Variants in KCNH1 observed in about 807,000 individuals in gnomAD.
KCNH1 encodes voltage-gated delayed rectifier potassium channel KCNH1.
Under a neutral mutation model 69.2 loss-of-function variants are expected in KCNH1, and 27 were observed. That is an observed-to-expected ratio of 0.39 (90% CI 0.29 to 0.54). The LOEUF (loss-of-function observed/expected upper bound fraction) is 0.54, where lower values mean the gene tolerates loss of function less well. Ranked by LOEUF, KCNH1 falls within the 20% of genes least tolerant of loss-of-function variation. The probability of loss-of-function intolerance (pLI) is 0.68; values close to 1 mark genes in which losing one functional copy is unlikely to be tolerated. For missense variants in KCNH1, 798 were observed against 1,261.6 expected (o/e 0.63, Z 5.57); for synonymous variants, 456 against 487.7 (o/e 0.93, Z 0.86).
chr1:210,751,320 C>T (rs759352054), intron 10 of KCNH1, among the ~76,000 whole-genome samples: 1 of 152,142 alleles, frequency 6.6e-6, no homozygotes, highest in Non-Finnish European at 1.5e-5. Context: ...GAGGGCTGTG[C>T]AGGGACAGAG....
chr1:210,993,612 T>C (rs1688972380), intron 6 of KCNH1, among the ~76,000 whole-genome samples: 1 of 152,234 alleles, frequency 6.6e-6, no homozygotes, highest in African/African-American at 2.4e-5. Flanking sequence ...CTCATTCCCA[T>C]GAAAAGTTTT....
chr1:210,976,040 A>G (rs908508502), intron 6 of KCNH1, among the ~76,000 whole-genome samples: 10 of 152,206 alleles, frequency 6.6e-5, no homozygotes, highest in African/African-American at 2.4e-4. Flanking sequence ...GCAAATCAAA[A>G]CCACAATGAG....
At chr1:210,707,200 G>C in intron 10 of KCNH1, among the ~76,000 whole-genome samples, 1 of 151,998 alleles carries the variant, frequency 6.6e-6, no homozygotes, top group Non-Finnish European at 1.5e-5. Context: ...TCCAGGATGG[G>C]TGGGAGCAGG....
At chr1:210,738,746 T>G (rs1682944725) in intron 10 of KCNH1, among the ~76,000 whole-genome samples, 1 of 151,798 alleles carries the variant, frequency 6.6e-6, no homozygotes, top group Non-Finnish European at 1.5e-5. Flanking sequence ...TTTTGTATTT[T>G]TTTGTAAAAT....
intron 3 of KCNH1, among the ~76,000 whole-genome samples, chr1:211,099,125 T>G (rs4090304): frequency 0.43 from 64,705 of 151,946 alleles, 14,087 homozygotes; most frequent in Admixed American, 0.47. Context: ...CTTTCTAAAT[T>G]ATATTTATGA....
chr1:211,015,568 C>T (rs1381916961), intron 6 of KCNH1, among the ~76,000 whole-genome samples: 1 of 152,126 alleles, frequency 6.6e-6, no homozygotes, highest in African/African-American at 2.4e-5. Flanking sequence ...GGTGCTAGGA[C>T]TCTTGTTCTT....
At chr1:211,050,617 G>A (rs1387919467) in intron 5 of KCNH1, among the ~76,000 whole-genome samples, 1 of 152,116 alleles carries the variant, frequency 6.6e-6, no homozygotes, top group Non-Finnish European at 1.5e-5. Context: ...CTATTTTGTT[G>A]AGAAATACTT....
chr1:210,788,758 G>A (rs559520210), intron 9 of KCNH1, among the ~76,000 whole-genome samples: 18 of 136,800 alleles, frequency 1.3e-4, no homozygotes, highest in Non-Finnish European at 2.6e-4. Context: ...GTGCAGTGGC[G>A]GGATCTCGGC....
intron 6 of KCNH1, among the ~76,000 whole-genome samples, chr1:210,999,433 G>A (rs1196932628): frequency 6.6e-6 from 1 of 152,032 alleles, no homozygotes; most frequent in Non-Finnish European, 1.5e-5. Context: ...ATAAATTCCT[G>A]GACACATACA....
chr1:210,795,854 G>A (rs1684300133), intron 9 of KCNH1, among the ~76,000 whole-genome samples: 1 of 152,026 alleles, frequency 6.6e-6, no homozygotes, highest in Non-Finnish European at 1.5e-5. Context: ...TGGGTGTGGT[G>A]GCTCATGCCT....
chr1:210,721,354 T>G (rs1361863999), intron 10 of KCNH1, among the ~76,000 whole-genome samples: 1 of 152,220 alleles, frequency 6.6e-6, no homozygotes, highest in East Asian at 1.9e-4. Flanking sequence ...GTGAAAATTC[T>G]TCAGCGCAAG....
chr1:210,878,438 G>T (rs773174142), intron 7 of KCNH1, among the ~76,000 whole-genome samples: 2 of 152,094 alleles, frequency 1.3e-5, no homozygotes, highest in South Asian at 4.1e-4. Context: ...TACAAATGAT[G>T]TAATGTCTGC....
intron 10 of KCNH1, among the ~76,000 whole-genome samples, chr1:210,734,691 C>A (rs905136192): frequency 6.6e-6 from 1 of 152,014 alleles, no homozygotes; most frequent in African/African-American, 2.4e-5. Flanking sequence ...ATGCCACCCC[C>A]CTTGGCAGCA....
chr1:210,744,290 A>G (rs1284938548), intron 10 of KCNH1, among the ~76,000 whole-genome samples: 3 of 152,300 alleles, frequency 2.0e-5, no homozygotes, highest in South Asian at 2.1e-4. Flanking sequence ...AATTTGTCCC[A>G]AATCCTAATA....
At chr1:210,905,547 T>C (rs1207853824) in intron 7 of KCNH1, among the ~76,000 whole-genome samples, 1 of 152,160 alleles carries the variant, frequency 6.6e-6, no homozygotes, top group African/African-American at 2.4e-5. Flanking sequence ...GCTCCTGACA[T>C]GTAGCCCTGA....
At chr1:211,025,241 C>T (rs1689663710) in intron 5 of KCNH1, among the ~76,000 whole-genome samples, 1 of 152,136 alleles carries the variant, frequency 6.6e-6, no homozygotes, top group African/African-American at 2.4e-5. Flanking sequence ...ATAGGAACTT[C>T]TTGTTACCCC....
intron 7 of KCNH1, among the ~76,000 whole-genome samples, chr1:210,836,291 T>C (rs984855629): frequency 6.6e-6 from 1 of 152,082 alleles, no homozygotes; most frequent in Admixed American, 6.5e-5. Context: ...ATATAGGTAA[T>C]AGAACTGGAA....
At chr1:210,886,808 T>C (rs186982738) in intron 7 of KCNH1, among the ~76,000 whole-genome samples, 1 of 151,944 alleles carries the variant, frequency 6.6e-6, no homozygotes, top group African/African-American at 2.4e-5. Context: ...AGATTGAAGA[T>C]CAACTTAATG....
intron 5 of KCNH1, among the ~76,000 whole-genome samples, chr1:211,039,222 T>C (rs1164169952): frequency 1.3e-5 from 2 of 152,192 alleles, no homozygotes; most frequent in Non-Finnish European, 2.9e-5. Flanking sequence ...TTCCACATGG[T>C]GTTGAGCCTG....
Sources: gnomAD v4.1 joint callset for allele counts (sites outside exome capture counted in the v4.1 genomes callset) on GRCh38, gnomAD v4.1.1 for gene constraint, MANE v1.5 for transcripts, NCBI Gene and HGNC (gene_info 2026-07-23, HGNC 2026-07-21) for gene names.